The following BAZ2B variants were observed in gnomAD, a reference collection of about 807,000 sequenced individuals.
BAZ2B encodes the protein bromodomain adjacent to zinc finger domain 2B.
Under a neutral mutation model 246.0 loss-of-function variants are expected in BAZ2B, and 91 were observed. The ratio of observed to expected loss-of-function variants is 0.37; its 90% CI spans 0.31 to 0.44. BAZ2B has a LOEUF of 0.44. Among genes scored for constraint, BAZ2B ranks in the 20% least tolerant of loss-of-function variants. BAZ2B has a pLI of 1.00. For missense variants in BAZ2B, 2,332 were observed against 2,533.7 expected (o/e 0.92, Z 1.71); for synonymous variants, 855 against 860.0 (o/e 0.99, Z 0.10).
At chr2:159,337,200 G>C in intron 32 of BAZ2B, 123 bp from the exon 33 acceptor site, 1 of 1,295,428 alleles carries the variant, frequency 7.7e-7, no homozygotes, top group Non-Finnish European at 1.1e-6. Flanking sequence ...TAAGTATAAG[G>C]TTTAAGCAAC....
intron 1 of BAZ2B, among the ~76,000 whole-genome samples, chr2:159,565,955 A>G (rs1423272905): frequency 6.6e-6 from 1 of 152,210 alleles, no homozygotes; most frequent in African/African-American, 2.4e-5. Context: ...AAAATCATTT[A>G]GAAACAATAC....
chr2:159,348,656 G>A (rs1431020861), intron 30 of BAZ2B, 22 bp downstream of exon 30: 2 of 1,572,102 alleles, frequency 1.3e-6, no homozygotes, highest in South Asian at 1.2e-5. Context: ...AAAGAAAGCT[G>A]AAATATCTTT....
intron 3 of BAZ2B, among the ~76,000 whole-genome samples, chr2:159,454,036 G>C (rs902317659): frequency 6.6e-6 from 1 of 151,976 alleles, no homozygotes; most frequent in Non-Finnish European, 1.5e-5. Flanking sequence ...TGAGATTTGA[G>C]AACCAATGTT....
intron 34 of BAZ2B, among the ~76,000 whole-genome samples, chr2:159,328,269 A>G (rs2064073705): frequency 6.6e-6 from 1 of 151,894 alleles, no homozygotes; most frequent in Non-Finnish European, 1.5e-5. Flanking sequence ...CATTCCCCCA[A>G]CCCCCATCAC....
the BAZ2B span, chr2:159,694,543 G>A: frequency 1.3e-5 from 2 of 151,982 alleles, no homozygotes; most frequent in South Asian, 4.2e-4. Context: ...TATCTCTATG[G>A]ATTTGCCTAT....
chr2:159,356,968 A>G (rs1298655187), intron 27 of BAZ2B, among the ~76,000 whole-genome samples: 1 of 152,218 alleles, frequency 6.6e-6, no homozygotes. Context: ...CTCCATCCGA[A>G]GCTGACCAAC....
intron 2 of BAZ2B, among the ~76,000 whole-genome samples, chr2:159,531,322 T>A (rs1044528676): frequency 9.9e-5 from 15 of 152,222 alleles, no homozygotes; most frequent in African/African-American, 2.9e-4. Flanking sequence ...CTAAAAAAAA[T>A]TTTTTTCGAT....
At chr2:159,630,190 G>A in the BAZ2B span, among the ~76,000 whole-genome samples, 9 of 152,278 alleles carry the variant, frequency 5.9e-5, no homozygotes, top group African/African-American at 2.2e-4. Flanking sequence ...AGTTGCACTG[G>A]CTTGCATCTG....
chr2:159,700,747 G>T, the BAZ2B span, among the ~76,000 whole-genome samples: 1 of 152,090 alleles, frequency 6.6e-6, no homozygotes, highest in Non-Finnish European at 1.5e-5. Context: ...GTCCTGCCCT[G>T]TATTGTTGTT....
chr2:159,409,456 T>G (rs1352285070), intron 14 of BAZ2B, among the ~76,000 whole-genome samples: 1 of 152,196 alleles, frequency 6.6e-6, no homozygotes. Flanking sequence ...TTTATCATAT[T>G]CAAACTTGGT....
chr2:159,366,644 C>G (rs1023680675), intron 27 of BAZ2B, among the ~76,000 whole-genome samples: 4 of 152,180 alleles, frequency 2.6e-5, no homozygotes, highest in Non-Finnish European at 4.4e-5. Context: ...ATTGAGAAAG[C>G]CTGGGATCAT....
intron 2 of BAZ2B, among the ~76,000 whole-genome samples, chr2:159,509,928 T>C (rs1045596211): frequency 7.2e-5 from 11 of 152,004 alleles, no homozygotes; most frequent in Non-Finnish European, 1.3e-4. Context: ...TACATTTGTA[T>C]GTATATATGT....
chr2:159,681,592 A>G, the BAZ2B span, among the ~76,000 whole-genome samples: 2 of 152,342 alleles, frequency 1.3e-5, no homozygotes, highest in East Asian at 3.9e-4. Flanking sequence ...TTTGGATAAT[A>G]TACAGTCAGG....
the BAZ2B span, among the ~76,000 whole-genome samples, chr2:159,698,776 T>C: frequency 6.6e-6 from 1 of 152,164 alleles, no homozygotes; most frequent in Non-Finnish European, 1.5e-5. Flanking sequence ...AATCTGACTA[T>C]TCATTTTATA....
intron 13 of BAZ2B, among the ~76,000 whole-genome samples, chr2:159,425,417 G>A (rs914044359): frequency 6.6e-6 from 1 of 152,166 alleles, no homozygotes; most frequent in African/African-American, 2.4e-5. Flanking sequence ...CGGAGCTCAA[G>A]TGATCCGCCT....
At chr2:159,609,031 C>T (rs142041935) in intron 1 of BAZ2B, among the ~76,000 whole-genome samples, 180 of 152,278 alleles carry the variant, frequency 1.2e-3, no homozygotes, top group African/African-American at 3.8e-3. Flanking sequence ...TTTTAATATA[C>T]ACAAATCAAA....
intron 30 of BAZ2B, among the ~76,000 whole-genome samples, chr2:159,348,345 A>AAAAAG (rs2058189550): frequency 1.3e-5 from 2 of 148,316 alleles, no homozygotes; most frequent in African/African-American, 5.0e-5. Flanking sequence ...AAAAAAAAAA[A>AAAAAG]GGTGTACTAT....
chr2:159,552,332 C>T (rs2088384433), intron 2 of BAZ2B, among the ~76,000 whole-genome samples: 1 of 151,980 alleles, frequency 6.6e-6, no homozygotes, highest in Admixed American at 6.6e-5. Flanking sequence ...ACAAAATGGC[C>T]ACAATTTGTA....
At chr2:159,559,199 C>A (rs62171575) in intron 1 of BAZ2B, among the ~76,000 whole-genome samples, 8,199 of 151,806 alleles carry the variant, frequency 0.054, 379 homozygotes, top group African/African-American at 0.12. Context: ...GAGCTCTGAT[C>A]GTACTACTGC....
Sources: allele counts gnomAD v4.1 joint callset (sites outside exome capture counted in the v4.1 genomes callset), GRCh38; gene constraint gnomAD v4.1.1; transcripts MANE v1.5; gene names NCBI Gene and HGNC (gene_info 2026-07-23, HGNC 2026-07-21).